The following XKR4 variants were observed in gnomAD, a reference collection of about 807,000 sequenced individuals.
XKR4 encodes XK-related protein 4.
Under a neutral mutation model 53.9 loss-of-function variants are expected in XKR4, and 12 were observed. The observed-to-expected ratio is 0.22, with a 90% CI of 0.14 to 0.36. The LOEUF (loss-of-function observed/expected upper bound fraction) is 0.36. XKR4 is among the 10% of genes least tolerant of loss of function. XKR4 has a pLI of 1.00. For missense variants in XKR4, 799 were observed against 859.5 expected (o/e 0.93, Z 0.88); for synonymous variants, 354 against 362.4 (o/e 0.98, Z 0.26).
At chr8:55,178,309 C>G (rs1027094789) in intron 1 of XKR4, among the ~76,000 whole-genome samples, 2 of 152,086 alleles carry the variant, frequency 1.3e-5, no homozygotes, top group African/African-American at 4.8e-5. Flanking sequence ...CTTTGAAGAC[C>G]AGCTATACCA....
At chr8:55,454,162 T>C in intron 2 of XKR4, 1 of 973,464 alleles carries the variant, frequency 1.0e-6, no homozygotes, top group Non-Finnish European at 1.7e-6. Context: ...GGACCATTCT[T>C]AGAACACTGT....
chr8:55,518,313 T>A (rs1172984809), intron 2 of XKR4, among the ~76,000 whole-genome samples: 1 of 152,172 alleles, frequency 6.6e-6, no homozygotes, highest in East Asian at 1.9e-4. Flanking sequence ...ATGCAAATCT[T>A]TTGAACACTT....
intron 1 of XKR4, among the ~76,000 whole-genome samples, chr8:55,313,931 C>T (rs1381149034): frequency 6.6e-6 from 1 of 152,192 alleles, no homozygotes; most frequent in Non-Finnish European, 1.5e-5. Flanking sequence ...ACCCTGGACA[C>T]CCACAGTTTC....
chr8:55,453,943 G>A (rs768702269), intron 2 of XKR4: 37 of 673,440 alleles, frequency 5.5e-5, no homozygotes, highest in African/African-American at 1.1e-4. Flanking sequence ...TCAGGAAATC[G>A]TCCTCCACCA....
chr8:55,539,059 T>A lies in XKR4; in HGVS notation c.*14832T>A, dbSNP rs1807068432. ...TAAAGGACACAGTGTGAAAACAACATCAGAGAATATCCTGTACAACTTCCC... is the reference window on the plus strand; with the variant it reads ...TAAAGGACACAGTGTGAAAACAACAACAGAGAATATCCTGTACAACTTCCC... On this transcript the variant is annotated 3_prime_UTR_variant, in exon 3 of 3. Coordinates refer to ENST00000327381, the MANE Select transcript of XKR4 (RefSeq NM_052898.2). 6.6e-6 allele frequency: 1 copy of A among 152,198 alleles called. No homozygotes were observed. The highest frequency in any genetic ancestry group is 2.4e-5 in the African/African-American group (1 of 41,452). 9.4% of individuals were successfully genotyped at this position (152,198 alleles called of 1,614,324 possible).
intron 1 of XKR4, among the ~76,000 whole-genome samples, chr8:55,286,123 G>T (rs756948939): frequency 6.6e-6 from 1 of 152,154 alleles, no homozygotes; most frequent in African/African-American, 2.4e-5. Context: ...CATCAATGTT[G>T]TCAAAGAGCC....
intron 1 of XKR4, among the ~76,000 whole-genome samples, chr8:55,178,702 C>T (rs1817266146): frequency 6.6e-6 from 1 of 152,114 alleles, no homozygotes; most frequent in African/African-American, 2.4e-5. Flanking sequence ...GAAAATTAAC[C>T]CAACTTCTTT....
chr8:55,396,272 A>G (rs538911489), intron 2 of XKR4, among the ~76,000 whole-genome samples: 9 of 152,262 alleles, frequency 5.9e-5, no homozygotes, highest in Non-Finnish European at 1.3e-4. Flanking sequence ...TGGCTGGGGA[A>G]GAGCCCCAGT....
intron 1 of XKR4, among the ~76,000 whole-genome samples, chr8:55,185,427 A>C (rs747516719): frequency 6.6e-6 from 1 of 152,178 alleles, no homozygotes; most frequent in Non-Finnish European, 1.5e-5. Context: ...TATTTTTCTT[A>C]TCAGCTGGAT....
At chr8:55,409,280 C>G (rs1484419802) in intron 2 of XKR4, among the ~76,000 whole-genome samples, 1 of 152,222 alleles carries the variant, frequency 6.6e-6, no homozygotes, top group Admixed American at 6.5e-5. Flanking sequence ...TTAAATCCCT[C>G]CCCTCTAAGG....
chr8:55,185,478 G>A (rs777198064), intron 1 of XKR4, among the ~76,000 whole-genome samples: 18 of 152,124 alleles, frequency 1.2e-4, no homozygotes, highest in Admixed American at 6.5e-5. Context: ...TAATTTGAAC[G>A]CTCTTTTAAT....
At chr8:55,306,347 A>T (rs953704968) in intron 1 of XKR4, among the ~76,000 whole-genome samples, 4 of 152,228 alleles carry the variant, frequency 2.6e-5, no homozygotes, top group Non-Finnish European at 4.4e-5. Flanking sequence ...TAAGACTAAG[A>T]AAAGCAGCTC....
intron 2 of XKR4, among the ~76,000 whole-genome samples, chr8:55,443,550 A>AAAAAAAAAAC (rs1805300951): frequency 6.7e-5 from 9 of 133,460 alleles, no homozygotes; most frequent in Admixed American, 6.7e-4. Context: ...AAAAAAAAAA[A>AAAAAAAAAAC]AAAAAACAGA....
intron 1 of XKR4, among the ~76,000 whole-genome samples, chr8:55,348,691 T>TAA (rs1554519701): frequency 0.014 from 1,877 of 136,200 alleles, 19 homozygotes; most frequent in Middle Eastern, 0.047. Context: ...CAGACAAACA[T>TAA]ACACACACAC....
intron 2 of XKR4, among the ~76,000 whole-genome samples, chr8:55,473,641 T>A (rs1805926291): frequency 6.6e-6 from 1 of 152,136 alleles, no homozygotes; most frequent in South Asian, 2.1e-4. Context: ...CCAAAGTACA[T>A]CCTTGTCTTA....
chr8:55,371,378 C>T (rs1191155263), intron 2 of XKR4, among the ~76,000 whole-genome samples: 4 of 152,036 alleles, frequency 2.6e-5, no homozygotes, highest in Admixed American at 2.0e-4. Flanking sequence ...TAGATTTATT[C>T]CCAACACTTG....
intron 1 of XKR4, among the ~76,000 whole-genome samples, chr8:55,127,705 A>G (rs1338958845): frequency 7.0e-6 from 1 of 143,434 alleles, no homozygotes. Context: ...TAGCTTAGGT[A>G]TATCTCCTAA....
chr8:55,499,708 C>G (rs1280700480), intron 2 of XKR4, among the ~76,000 whole-genome samples: 1 of 152,162 alleles, frequency 6.6e-6, no homozygotes, highest in African/African-American at 2.4e-5. Context: ...GCAGAGAGAG[C>G]CGTCACACAC....
At chr8:55,520,729 G>A (rs1182561211) in intron 2 of XKR4, among the ~76,000 whole-genome samples, 1 of 152,226 alleles carries the variant, frequency 6.6e-6, no homozygotes, top group Non-Finnish European at 1.5e-5. Flanking sequence ...AAAGCTGATA[G>A]AAAGCCTTCA....
Sources: gnomAD v4.1 joint callset for allele counts (sites outside exome capture counted in the v4.1 genomes callset) on GRCh38, gnomAD v4.1.1 for gene constraint, MANE v1.5 for transcripts, NCBI Gene and HGNC (gene_info 2026-07-23, HGNC 2026-07-21) for gene names.